The following EPHA6 variants were observed in gnomAD, a reference collection of about 807,000 sequenced individuals.
EPHA6 encodes EPH receptor A6, also known as ephrin type-A receptor 6.
EPHA6 carries 50 observed loss-of-function variants against 112.0 expected under a neutral mutation model. The ratio of observed to expected loss-of-function variants is 0.45; its 90% CI spans 0.36 to 0.56. The LOEUF (loss-of-function observed/expected upper bound fraction) is 0.56, where lower values mean the gene tolerates loss of function less well. EPHA6 is among the 20% of genes least tolerant of loss of function. The probability of loss-of-function intolerance (pLI) is 0.00; values close to 1 mark genes in which losing one functional copy is unlikely to be tolerated. For missense variants in EPHA6, 1,280 were observed against 1,417.4 expected, an observed-to-expected ratio of 0.90 and a Z score of 1.56; for synonymous variants, 529 against 490.7, an observed-to-expected ratio of 1.08 and a Z score of -1.03.
rs904577258 is a variant in EPHA6 at position 96,911,924 on chromosome 3, A to T, written c.450+45035A>T. 2.4e-4 allele frequency among the ~76,000 whole-genome samples: 37 copies of T among 151,988 alleles called. 2 individuals are homozygous for T. The highest frequency in any genetic ancestry group is 2.3e-3 in the Admixed American group (35 of 15,254). ...TGTTTGCTTTTTTTTACCTTCTATT[A>T]CCTTTTCACAACTGAATACAGAATG... On this transcript the variant is annotated intron_variant, in intron 2 of 17. Coordinates refer to ENST00000389672, the MANE Select transcript of EPHA6 (RefSeq NM_001080448.3).
intron 6 of EPHA6, 104 bp downstream of exon 6, chr3:97,405,378 T>C: frequency 9.6e-7 from 1 of 1,041,380 alleles, no homozygotes; most frequent in Non-Finnish European, 1.4e-6. Flanking sequence ...AACCCTGTTC[T>C]TCTTTGGCCT....
At chr3:97,443,210 G>A (rs140791289) in intron 6 of EPHA6, among the ~76,000 whole-genome samples, 57 of 151,904 alleles carry the variant, frequency 3.8e-4, no homozygotes, top group African/African-American at 1.3e-3. Flanking sequence ...AAACAGAAAC[G>A]GAGAGAGAAA....
chr3:97,280,055 T>C (rs1314149480), intron 5 of EPHA6, among the ~76,000 whole-genome samples: 1 of 152,188 alleles, frequency 6.6e-6, no homozygotes, highest in Admixed American at 6.5e-5. Flanking sequence ...TCATCTAATT[T>C]TCATATTTTT....
chr3:97,208,486 C>T (rs1476450399), intron 3 of EPHA6, among the ~76,000 whole-genome samples: 1 of 152,164 alleles, frequency 6.6e-6, no homozygotes, highest in East Asian at 1.9e-4. Flanking sequence ...TAGCTCATGC[C>T]TGTAATCCTA....
At chr3:96,833,355 G>C (rs901136370) in intron 1 of EPHA6, among the ~76,000 whole-genome samples, 1 of 151,646 alleles carries the variant, frequency 6.6e-6, no homozygotes, top group Non-Finnish European at 1.5e-5. Context: ...AGGAGGCATG[G>C]AATGGATTCT....
chr3:97,139,497 C>A (rs2075844517), intron 3 of EPHA6, among the ~76,000 whole-genome samples: 2 of 152,088 alleles, frequency 1.3e-5, no homozygotes, highest in Non-Finnish European at 2.9e-5. Context: ...AGAAAATGAG[C>A]CTGCACACAC....
chr3:97,027,530 A>G (rs1686728394), intron 3 of EPHA6, among the ~76,000 whole-genome samples: 1 of 152,204 alleles, frequency 6.6e-6, no homozygotes, highest in South Asian at 2.1e-4. Flanking sequence ...TGTACTTTTT[A>G]CAATAGAATG....
chr3:96,933,436 T>G (rs1275898154), intron 2 of EPHA6, among the ~76,000 whole-genome samples: 1 of 151,868 alleles, frequency 6.6e-6, no homozygotes, highest in Non-Finnish European at 1.5e-5. Flanking sequence ...AACTTTAGTT[T>G]AACTATTTTC....
intron 3 of EPHA6, among the ~76,000 whole-genome samples, chr3:97,053,400 A>G (rs1387278658): frequency 2.0e-5 from 3 of 152,084 alleles, no homozygotes; most frequent in Non-Finnish European, 4.4e-5. Flanking sequence ...CCAATAGATG[A>G]CCCAGAATTG....
chr3:97,584,316 G>T (rs1049931219), intron 11 of EPHA6, among the ~76,000 whole-genome samples: 3 of 152,166 alleles, frequency 2.0e-5, no homozygotes, highest in Non-Finnish European at 4.4e-5. Context: ...TCACAGCCTA[G>T]TGAGAAAGAC....
At chr3:97,300,531 A>G (rs149389924) in intron 5 of EPHA6, among the ~76,000 whole-genome samples, 3,004 of 152,252 alleles carry the variant, frequency 0.02, 44 homozygotes, top group Non-Finnish European at 0.031. Context: ...TAGGCAGTGG[A>G]TCAACCTTGG....
intron 3 of EPHA6, among the ~76,000 whole-genome samples, chr3:97,053,091 A>T (rs937155671): frequency 6.6e-6 from 1 of 152,164 alleles, no homozygotes; most frequent in Non-Finnish European, 1.5e-5. Flanking sequence ...GGATTAATTA[A>T]GCGACTTATA....
chr3:97,633,417 A>T (rs570353927), intron 13 of EPHA6, among the ~76,000 whole-genome samples: 2 of 152,196 alleles, frequency 1.3e-5, no homozygotes, highest in African/African-American at 4.8e-5. Flanking sequence ...TGTCATAAAA[A>T]AATTCATAGT....
At chr3:97,190,203 A>C (rs1250535455) in intron 3 of EPHA6, among the ~76,000 whole-genome samples, 3 of 152,152 alleles carry the variant, frequency 2.0e-5, no homozygotes, top group Non-Finnish European at 4.4e-5. Flanking sequence ...TGATGCTATC[A>C]TGTCCATCTT....
At chr3:97,465,222 A>C (rs2091013600) in intron 7 of EPHA6, among the ~76,000 whole-genome samples, 1 of 152,080 alleles carries the variant, frequency 6.6e-6, no homozygotes, top group Non-Finnish European at 1.5e-5. Flanking sequence ...ATTAAGCTTC[A>C]TTTTTTACTT....
At chr3:97,672,562 T>G (rs2030954263) in intron 14 of EPHA6, among the ~76,000 whole-genome samples, 1 of 151,874 alleles carries the variant, frequency 6.6e-6, no homozygotes, top group South Asian at 2.1e-4. Context: ...AATAGCAAAA[T>G]GCATGATGAA....
chr3:97,639,955 T>G (rs2093986217), intron 14 of EPHA6, among the ~76,000 whole-genome samples: 1 of 66,452 alleles, frequency 1.5e-5, no homozygotes, highest in South Asian at 1.1e-3. Context: ...TAATCAAGTT[T>G]TTTTTTTTTA....
intron 3 of EPHA6, among the ~76,000 whole-genome samples, chr3:97,130,334 G>T (rs2048305447): frequency 6.6e-6 from 1 of 150,706 alleles, no homozygotes; most frequent in Admixed American, 6.6e-5. Flanking sequence ...CTGTCAAACT[G>T]GATTTCTCAA....
chr3:97,100,001 C>T (rs771306086), intron 3 of EPHA6, among the ~76,000 whole-genome samples: 22 of 151,868 alleles, frequency 1.4e-4, no homozygotes, highest in Non-Finnish European at 2.6e-4. Flanking sequence ...GTGTCTCCAC[C>T]ATGTGTATGT....
Sources: allele counts gnomAD v4.1 joint callset (sites outside exome capture counted in the v4.1 genomes callset), GRCh38; gene constraint gnomAD v4.1.1; transcripts MANE v1.5; gene names NCBI Gene and HGNC (gene_info 2026-07-23, HGNC 2026-07-21).